The following TMEM65 variants were observed in gnomAD, a reference collection of about 807,000 sequenced individuals.
TMEM65 encodes transmembrane protein 65.
In TMEM65, 22 loss-of-function variants were observed where a neutral mutation model predicts 25.4. That is an observed-to-expected ratio of 0.86 (90% CI 0.62 to 1.23). TMEM65 has a LOEUF of 1.23. TMEM65 is among the 50% of genes most tolerant of loss of function. The probability of loss-of-function intolerance (pLI) is 0.00; values close to 1 mark genes in which losing one functional copy is unlikely to be tolerated. For missense variants in TMEM65, 262 were observed against 308.2 expected, an observed-to-expected ratio of 0.85 and a Z score of 1.12; for synonymous variants, 132 against 126.2, an observed-to-expected ratio of 1.05 and a Z score of -0.31.
intron 6 of TMEM65, among the ~76,000 whole-genome samples, chr8:124,317,325 T>C (rs755147610): frequency 2.6e-5 from 4 of 152,150 alleles, no homozygotes; most frequent in Non-Finnish European, 4.4e-5. Flanking sequence ...TCAGAAATGA[T>C]TATCAATGAG....
At position 124,310,453 on chromosome 8, in the gene TMEM65, G is replaced by C. The variant is rs1305363741; in HGVS notation, c.*3507C>G. The C allele has an allele frequency of 6.6e-6, 1 of 152,198 alleles. No homozygotes were observed. The highest frequency in any genetic ancestry group is 1.5e-5 in the Non-Finnish European group (1 of 68,036). 9.4% of individuals were successfully genotyped at this position (152,198 alleles called of 1,614,324 possible). ...GATGTCCCTACTGCCTAGCAGTTAA[G>C]AAGACAGGCTTCATACTTGGACAAA... On this transcript the variant is annotated 3_prime_UTR_variant, in exon 7 of 7. Transcript: ENST00000297632.
At position 124,314,074 on chromosome 8, in the gene TMEM65, A is replaced by G. The variant is rs766596666; in HGVS notation, c.622-13T>C. ...CAACAGCTTTGCCCTAAGGAAACAA[A>G]AGAGAACATTTTTAAAGTTACTTTA... On this transcript the variant is annotated splice_polypyrimidine_tract_variant and intron_variant, in intron 6 of 6. Transcript: ENST00000297632. 3 of 1,603,598 alleles carry G rather than the reference A, an allele frequency of 1.9e-6. No individual in the cohort carries two copies. The African/African-American group carries it at 4.0e-5, about 22-fold the overall frequency.
chr8:124,341,325 T>G (rs1345504666), intron 1 of TMEM65, among the ~76,000 whole-genome samples: 2 of 152,032 alleles, frequency 1.3e-5, no homozygotes, highest in Non-Finnish European at 2.9e-5. Context: ...ACGAATCTTG[T>G]AAAAAGAATT....
rs140899096 is a variant in TMEM65 at position 124,366,580 on chromosome 8, T to C, written c.304+5274A>G. ...TTCCTATGAACTCTGTACCTGCAAC[T>C]GCCTATATTCTTGATCCACAAAATC... On this transcript the variant is annotated intron_variant, in intron 1 of 6. Coordinates refer to ENST00000297632, the MANE Select transcript of TMEM65 (RefSeq NM_194291.3). 7.2e-3 allele frequency among the ~76,000 whole-genome samples: 1,090 copies of C among 152,284 alleles called. 4 individuals are homozygous for C. Among genetic ancestry groups the C allele is most frequent in the Non-Finnish European group, 0.011 (762 of 68,024 alleles).
intron 5 of TMEM65, among the ~76,000 whole-genome samples, 197 bp downstream of exon 5, chr8:124,321,908 A>G (rs1374577935): frequency 1.3e-5 from 2 of 152,182 alleles, no homozygotes; most frequent in African/African-American, 4.8e-5. Context: ...TATAACTGGG[A>G]TATCACCCAG....
At chr8:124,351,021 G>GTA in intron 1 of TMEM65, 1 of 985,090 alleles carries the variant, frequency 1.0e-6, no homozygotes, top group Non-Finnish European at 1.2e-6. Flanking sequence ...AATCAACACT[G>GTA]TAAGACTGTA....
intron 5 of TMEM65, among the ~76,000 whole-genome samples, chr8:124,321,105 C>G (rs2131196780): frequency 6.6e-6 from 1 of 152,206 alleles, no homozygotes; most frequent in Non-Finnish European, 1.5e-5. Flanking sequence ...GAGATGATAT[C>G]ATGATACATT....
intron 1 of TMEM65, among the ~76,000 whole-genome samples, chr8:124,352,538 A>T (rs1016279866): frequency 2.1e-5 from 3 of 144,514 alleles, no homozygotes; most frequent in Admixed American, 1.4e-4. Flanking sequence ...AAAATAAAAT[A>T]AAAATACAGG....
intron 1 of TMEM65, 113 bp downstream of exon 1, chr8:124,371,741 A>AG: frequency 3.8e-6 from 4 of 1,044,756 alleles, no homozygotes; most frequent in Non-Finnish European, 5.2e-6. Flanking sequence ...GGGGGGCGGA[A>AG]GGGGGGCGGC....
intron 3 of TMEM65, among the ~76,000 whole-genome samples, chr8:124,324,380 GTC>G (rs1814342892): frequency 6.6e-6 from 1 of 152,102 alleles, no homozygotes; most frequent in Non-Finnish European, 1.5e-5. Flanking sequence ...GGACCCAACA[GTC>G]TGATGCACTG....
In TMEM65 at chr8:124,359,138, T is replaced by C. The variant is rs77578973; in HGVS notation, c.304+12716A>G. ...GAAATTCAGAGGAATTTTTGTGTTC[T>C]ACCCCATTTGTTTCTTTTTCTTTCA... On this transcript the variant is annotated intron_variant, in intron 1 of 6. Transcript: ENST00000297632. 6.8e-3 allele frequency among the ~76,000 whole-genome samples: 1,037 copies of C among 152,352 alleles called. 9 individuals carry two copies. Among genetic ancestry groups the C allele is most frequent in the African/African-American group, 0.022 (919 of 41,592 alleles).
intron 2 of TMEM65, among the ~76,000 whole-genome samples, chr8:124,330,540 A>C (rs1302839021): frequency 6.6e-6 from 1 of 151,998 alleles, no homozygotes; most frequent in Non-Finnish European, 1.5e-5. Context: ...ATAATATTAG[A>C]TATTTTTAAC....
chr8:124,330,280 T>C (rs533721416), intron 2 of TMEM65, among the ~76,000 whole-genome samples: 1 of 152,028 alleles, frequency 6.6e-6, no homozygotes, highest in South Asian at 2.1e-4. Context: ...GAAAGAACAC[T>C]AGCAGCATTG....
Position 124,313,776 on chromosome 8 carries a change from C to A in TMEM65, c.*184G>T. ...ACAATATACACAAAATGATACTAAA[C>A]AGCTTTTTAAAAAAGATGTCCTAAG... is the stretch of plus-strand genomic sequence containing the variant. On this transcript the variant is annotated 3_prime_UTR_variant, in exon 7 of 7. Transcript: ENST00000297632. 1.3e-5 allele frequency: 7 copies of A among 535,170 alleles called. No individual in the cohort carries two copies. The highest frequency in any genetic ancestry group is 2.8e-5 in the South Asian group (1 of 36,316). The allele number at this position is 535,170 out of a possible 1,614,324, so 33.2% of individuals were successfully genotyped here.
At chr8:124,342,913 A>T (rs535132465) in intron 1 of TMEM65, among the ~76,000 whole-genome samples, 17 of 152,228 alleles carry the variant, frequency 1.1e-4, no homozygotes, top group Admixed American at 2.6e-4. Context: ...CACATTTAAC[A>T]TAGGTTTTAT....
intron 2 of TMEM65, among the ~76,000 whole-genome samples, chr8:124,330,038 A>G (rs10464864): frequency 0.9 from 136,806 of 151,862 alleles, 61,746 homozygotes; most frequent in East Asian, 1. Context: ...TCTCTAGTAT[A>G]TAATGATCTC....
rs60718572 is a variant in TMEM65 at position 124,308,583 on chromosome 8, T to TTAAATAAATAAATAAA, written c.*5361_*5376dup. 356 of 152,018 alleles carry TTAAATAAATAAATAAA rather than the reference T, an allele frequency of 2.3e-3. No individual in the cohort carries two copies. Among genetic ancestry groups the TTAAATAAATAAATAAA allele is most frequent in the African/African-American group, 7.3e-3 (301 of 41,466 alleles). The allele number at this position is 152,018 out of a possible 1,614,324, so 9.4% of individuals were successfully genotyped here. A position where few individuals can be genotyped will look rare whatever the true frequency, so the allele number is the denominator to read the frequency against. ...TGAAAGAGGTTGTAGATATGTCAAA[T>TTAAATAAATAAATAAA]TAAATAAATAAATAAATGGTGGAGG... On this transcript the variant is annotated 3_prime_UTR_variant, in exon 7 of 7. Coordinates refer to ENST00000297632, the MANE Select transcript of TMEM65 (RefSeq NM_194291.3).
In TMEM65 at chr8:124,310,161, A is replaced by G. The variant is rs1814138696; in HGVS notation, c.*3799T>C. The G allele has an allele frequency of 6.6e-6, 1 of 152,372 alleles. No individual in the cohort carries two copies. Among genetic ancestry groups the G allele is most frequent in the African/African-American group, 2.4e-5 (1 of 41,430 alleles). The allele number at this position is 152,372 out of a possible 1,614,324, so 9.4% of individuals were successfully genotyped here. ...TGACATCAAGACTCCATCTCAAAAA[A>G]AAGTATATTTGCTTTTCTGTGTTCT... On this transcript the variant is annotated 3_prime_UTR_variant, in exon 7 of 7. Transcript: ENST00000297632.
rs186237893 is a variant in TMEM65, at chr8:124,313,892, T to C, written c.*68A>G. Reference sequence around the variant, plus strand: ...TACTGTTACTGTCTTAATTCCTAAATGTTGTGACAGCATATTTAATTACTG... The same window carrying C: ...TACTGTTACTGTCTTAATTCCTAAACGTTGTGACAGCATATTTAATTACTG... On this transcript the variant is annotated 3_prime_UTR_variant, in exon 7 of 7. Coordinates refer to ENST00000297632, the MANE Select transcript of TMEM65 (RefSeq NM_194291.3). 2.6e-4 allele frequency: 273 copies of C among 1,062,202 alleles called. 1 individual carries two copies. The highest frequency in any genetic ancestry group is 3.1e-4 in the Non-Finnish European group (218 of 703,642). The allele number at this position is 1,062,202 out of a possible 1,614,324, so 65.8% of individuals were successfully genotyped here. A position where few individuals can be genotyped will look rare whatever the true frequency, so the allele number is the denominator to read the frequency against.
Sources: gnomAD v4.1 joint callset for allele counts (sites outside exome capture counted in the v4.1 genomes callset) on GRCh38, gnomAD v4.1.1 for gene constraint, MANE v1.5 for transcripts, NCBI Gene and HGNC (gene_info 2026-07-23, HGNC 2026-07-21) for gene names.